Variants in PCDHA9 observed in about 807,000 individuals in gnomAD.
PCDHA9 encodes protocadherin alpha-9.
PCDHA9 carries 62 observed loss-of-function variants against 62.0 expected under a neutral mutation model. The observed-to-expected ratio is 1.00, with a 90% confidence interval of 0.81 to 1.23. PCDHA9 has a LOEUF of 1.23. PCDHA9 is among the 50% of genes most tolerant of loss of function. The pLI is 0.00. For missense variants in PCDHA9, 1,205 were observed against 1,249.8 expected, an observed-to-expected ratio of 0.96 and a Z score of 0.54; for synonymous variants, 557 against 567.6, an observed-to-expected ratio of 0.98 and a Z score of 0.27.
At chr5:140,858,750 C>T (rs1397058081) in intron 1 of PCDHA9, 3 of 453,980 alleles carry the variant, frequency 6.6e-6, no homozygotes, top group South Asian at 3.1e-5. Flanking sequence ...AATCACTTTT[C>T]GTTACAAATA....
chr5:140,985,841 G>A (rs2097174040), intron 3 of PCDHA9, among the ~76,000 whole-genome samples: 1 of 145,238 alleles, frequency 6.9e-6, no homozygotes, highest in Admixed American at 7.3e-5. Context: ...CCGGGTTCAT[G>A]CCACTCTCCT....
chr5:140,890,259 T>C (rs1303485467), intron 1 of PCDHA9, among the ~76,000 whole-genome samples: 2 of 152,140 alleles, frequency 1.3e-5, no homozygotes, highest in Admixed American at 6.6e-5. Flanking sequence ...CTGCACCTGA[T>C]TGCAAGCAAG....
In PCDHA9 at chr5:140,957,188, C is replaced by T. The variant is rs374236292; in HGVS notation, c.2395-21761C>T. On this transcript the variant is annotated intron_variant, in intron 1 of 3. Transcript: ENST00000532602. ...GTATATAAATTGGTTTATTGATGAC[C>T]GATTGGGAATATAAATAGGCACAAA... is the stretch of plus-strand genomic sequence containing the variant. 2.1e-3 allele frequency among the ~76,000 whole-genome samples: 315 copies of T among 151,992 alleles called. 3 individuals carry two copies. The highest frequency in any genetic ancestry group is 7.3e-3 in the African/African-American group (304 of 41,464).
At chr5:140,906,872 C>T (rs1421521976) in intron 1 of PCDHA9, among the ~76,000 whole-genome samples, 4 of 152,230 alleles carry the variant, frequency 2.6e-5, no homozygotes, top group African/African-American at 9.6e-5. Flanking sequence ...CCAGCCAACA[C>T]TGTAACTTCC....
intron 1 of PCDHA9, among the ~76,000 whole-genome samples, chr5:140,977,165 T>C (rs921089293): frequency 1.3e-5 from 2 of 152,156 alleles, no homozygotes; most frequent in Non-Finnish European, 2.9e-5. Context: ...TTCAGCAAAA[T>C]GAGTTTGATG....
chr5:140,962,796 A>T (rs1248367259), intron 1 of PCDHA9, among the ~76,000 whole-genome samples: 1 of 152,222 alleles, frequency 6.6e-6, no homozygotes, highest in Non-Finnish European at 1.5e-5. Flanking sequence ...ACTACTTTGG[A>T]CAACTCTAAA....
intron 1 of PCDHA9, chr5:140,870,343 C>G (rs375366430): frequency 1.7e-5 from 28 of 1,614,042 alleles, no homozygotes; most frequent in Non-Finnish European, 2.2e-5. Context: ...CGCCCTGGAC[C>G]GCGAGAACGT....
At position 140,876,825 on chromosome 5, in the gene PCDHA9, T is replaced by C. The variant is rs200732511; in HGVS notation, c.2394+25936T>C. ...TGGAGGTGGCCGACGTGAACGACAA[T>C]GCGCCTGCGTTCGCGCAGCCCGAGT... On this transcript the variant is annotated intron_variant, in intron 1 of 3. Transcript: ENST00000532602. The C allele has an allele frequency of 2.4e-4, 380 of 1,614,056 alleles. 4 individuals carry two copies. The East Asian group carries it at 3.4e-3, about 15-fold the overall frequency.
At chr5:140,966,268 A>C (rs542154117) in intron 1 of PCDHA9, 5 of 351,754 alleles carry the variant, frequency 1.4e-5, no homozygotes, top group African/African-American at 1.0e-4. Context: ...AGACTGGATG[A>C]ACTGGACAGT....
intron 1 of PCDHA9, chr5:140,857,651 A>G (rs781834004): frequency 6.3e-7 from 1 of 1,596,558 alleles, no homozygotes; most frequent in South Asian, 1.1e-5. Context: ...GTTCCAGGTG[A>G]GCGCGCGCGA....
intron 1 of PCDHA9, among the ~76,000 whole-genome samples, chr5:140,890,167 A>G (rs1423577741): frequency 6.6e-6 from 1 of 152,174 alleles, no homozygotes; most frequent in East Asian, 1.9e-4. Context: ...CTGCCACAGA[A>G]ATAGGCAAAT....
chr5:140,967,865 C>G, intron 1 of PCDHA9: 1 of 1,614,164 alleles, frequency 6.2e-7, no homozygotes, highest in Non-Finnish European at 8.5e-7. Flanking sequence ...AGAGGTGGTG[C>G]TCACGGACCT....
At chr5:140,870,593 G>C (rs991131905) in intron 1 of PCDHA9, 2 of 1,613,454 alleles carry the variant, frequency 1.2e-6, no homozygotes, top group Admixed American at 3.3e-5. Flanking sequence ...GTGGAGCGGC[G>C]GTTGGGCGAC....
At chr5:140,997,466 T>G (rs2097771241) in intron 3 of PCDHA9, among the ~76,000 whole-genome samples, 2 of 152,186 alleles carry the variant, frequency 1.3e-5, no homozygotes, top group Admixed American at 1.3e-4. Context: ...CTGTAGGCAA[T>G]TTTTACACAA....
At chr5:140,941,099 TATTACTGG>T (rs1174229664) in intron 1 of PCDHA9, among the ~76,000 whole-genome samples, 5 of 152,146 alleles carry the variant, frequency 3.3e-5, no homozygotes, top group Non-Finnish European at 1.5e-5. Context: ...TTTCACATAC[TATTACTGG>T]AAAGATTAGT....
chr5:140,869,962 A>C (rs1554163660), intron 1 of PCDHA9: 4 of 1,612,950 alleles, frequency 2.5e-6, no homozygotes, highest in Middle Eastern at 1.6e-4. Flanking sequence ...AATTAAGCCC[A>C]ATGGAAGACA....
chr5:140,975,358 A>T (rs1212652611), intron 1 of PCDHA9, among the ~76,000 whole-genome samples: 1 of 152,258 alleles, frequency 6.6e-6, no homozygotes, highest in East Asian at 1.9e-4. Flanking sequence ...CAACTGTGCT[A>T]CATAGCATAA....
At chr5:140,920,415 G>A (rs1229102806) in intron 1 of PCDHA9, among the ~76,000 whole-genome samples, 4 of 152,002 alleles carry the variant, frequency 2.6e-5, no homozygotes, top group Non-Finnish European at 5.9e-5. Flanking sequence ...ATCAGATACA[G>A]CTGTTCTCCC....
intron 3 of PCDHA9, among the ~76,000 whole-genome samples, chr5:140,984,251 T>C (rs1164028325): frequency 6.6e-6 from 1 of 152,210 alleles, no homozygotes; most frequent in Non-Finnish European, 1.5e-5. Flanking sequence ...GTCGACCTGG[T>C]AAGCCACAAA....
Sources: allele counts gnomAD v4.1 joint callset (sites outside exome capture counted in the v4.1 genomes callset), GRCh38; gene constraint gnomAD v4.1.1; transcripts MANE v1.5; gene names NCBI Gene and HGNC (gene_info 2026-07-23, HGNC 2026-07-21).